The following TDRP variants were observed in gnomAD, a reference collection of about 807,000 sequenced individuals.
The protein encoded by TDRP is testis development-related protein.
A neutral mutation model predicts 10.5 loss-of-function variants in TDRP; 12 were observed. That is an observed-to-expected ratio of 1.15 (90% confidence interval 0.73 to 1.86). The LOEUF (loss-of-function observed/expected upper bound fraction) is 1.86. Among genes scored for constraint, TDRP ranks in the 40% most tolerant of loss-of-function variants. TDRP has a pLI of 0.00. For synonymous variants in TDRP, 139 were observed against 95.4 expected (o/e 1.46, Z -2.67); for missense variants, 353 against 229.2 (o/e 1.54, Z -3.49).
At position 490,344 on chromosome 8, in the gene TDRP, A is replaced by C. The variant is rs904395911; in HGVS notation, c.*2055T>G. On this transcript the variant is annotated 3_prime_UTR_variant, in exon 3 of 3. Transcript: ENST00000324079. Reference sequence around the variant, plus strand: ...CCAATCCCAATCTGGGTTTGTCCTCAAATTTTGAGAAATAGCATAAAGAAC... The same window carrying C: ...CCAATCCCAATCTGGGTTTGTCCTCCAATTTTGAGAAATAGCATAAAGAAC... The C allele has an allele frequency of 7.0e-6, 1 of 142,226 alleles. No homozygotes were observed. The highest frequency in any genetic ancestry group is 1.5e-5 in the Non-Finnish European group (1 of 67,948). 8.8% of individuals were successfully genotyped at this position (142,226 alleles called of 1,614,324 possible).
chr8:493,981 C>T (rs1392488494), intron 2 of TDRP, among the ~76,000 whole-genome samples: 1 of 143,626 alleles, frequency 7.0e-6, no homozygotes, highest in Admixed American at 7.1e-5. Flanking sequence ...AACACCACAA[C>T]TCATTTCTGT....
chr8:512,089 G>C (rs1193771312), intron 1 of TDRP, among the ~76,000 whole-genome samples: 1 of 151,714 alleles, frequency 6.6e-6, no homozygotes, highest in Non-Finnish European at 1.5e-5. Context: ...GAGAATAACA[G>C]AAGAGAAATA....
intron 1 of TDRP, among the ~76,000 whole-genome samples, chr8:519,965 G>C (rs1029149581): frequency 6.6e-6 from 1 of 152,154 alleles, no homozygotes; most frequent in Admixed American, 6.5e-5. Context: ...GTGCTTTACC[G>C]GCATCCAGCT....
chr8:544,818 C>G lies in TDRP; in HGVS notation c.-61G>C. On this transcript the variant is annotated 5_prime_UTR_variant, in exon 1 of 3. Coordinates refer to ENST00000324079, the MANE Select transcript of TDRP (RefSeq NM_001384899.1). ...TCGGGCTGTGGCTCCGCGTCCCTCC[C>G]GGCCGCCGGACGCTCTGCCTGCGGC... 2 of 1,159,788 alleles carry G rather than the reference C, an allele frequency of 1.7e-6. No individual in the cohort carries two copies. The highest frequency in any genetic ancestry group is 1.1e-6 in the Non-Finnish European group (1 of 924,206). 71.8% of individuals were successfully genotyped at this position (1,159,788 alleles called of 1,614,324 possible).
At chr8:493,186 TC>T (rs1021756716) in intron 2 of TDRP, among the ~76,000 whole-genome samples, 4 of 152,164 alleles carry the variant, frequency 2.6e-5, no homozygotes, top group African/African-American at 9.7e-5. Context: ...GGTAATTTAC[TC>T]AACAAAAATA....
At chr8:497,561 C>G (rs542403965) in intron 1 of TDRP, among the ~76,000 whole-genome samples, 1 of 152,212 alleles carries the variant, frequency 6.6e-6, no homozygotes, top group Admixed American at 6.5e-5. Context: ...GCAGAGCATA[C>G]AAGTTTGGAA....
chr8:503,434 A>G (rs1334256457), intron 1 of TDRP, among the ~76,000 whole-genome samples: 5 of 151,592 alleles, frequency 3.3e-5, no homozygotes, highest in African/African-American at 9.7e-5. Flanking sequence ...CACGCATTGG[A>G]ACCCGTGCCC....
Position 491,734 on chromosome 8 carries a change from G to C in TDRP, c.*665C>G. 1 of 1,435,994 alleles carries C rather than the reference G, an allele frequency of 7.0e-7. No individual in the cohort carries two copies. The allele number at this position is 1,435,994 out of a possible 1,614,324, so 89.0% of individuals were successfully genotyped here. A position where few individuals can be genotyped will look rare whatever the true frequency, so the allele number is the denominator to read the frequency against. On this transcript the variant is annotated 3_prime_UTR_variant, in exon 3 of 3. Transcript: ENST00000324079. The stretch of plus-strand genomic sequence containing the variant: ...AAGGGACCGATTTAGAAGTTCAAAA[G>C]AGGTAAAAATAAAATTCCAAAAAAG...
At chr8:506,234 A>C (rs1213431062) in intron 1 of TDRP, among the ~76,000 whole-genome samples, 1 of 152,234 alleles carries the variant, frequency 6.6e-6, no homozygotes, top group Non-Finnish European at 1.5e-5. Context: ...TAGTAAGTGA[A>C]GAAATATCTA....
At chr8:543,944 G>A (rs1187884443) in intron 1 of TDRP, among the ~76,000 whole-genome samples, 1 of 124,062 alleles carries the variant, frequency 8.1e-6, no homozygotes, top group East Asian at 3.0e-4. Flanking sequence ...GGGAGGGGGT[G>A]GGGGAGGGCA....
chr8:510,483 G>C (rs1169362055), intron 1 of TDRP, among the ~76,000 whole-genome samples: 1 of 152,084 alleles, frequency 6.6e-6, no homozygotes, highest in Non-Finnish European at 1.5e-5. Context: ...AAAGCTACAA[G>C]AGAAAAATGA....
At chr8:524,960 G>T (rs994613439) in intron 1 of TDRP, among the ~76,000 whole-genome samples, 3 of 152,128 alleles carry the variant, frequency 2.0e-5, no homozygotes, top group Admixed American at 6.5e-5. Context: ...TCAAGTACAA[G>T]AAGATTATAG....
chr8:501,400 G>T (rs1230341660), intron 1 of TDRP, among the ~76,000 whole-genome samples: 1 of 151,828 alleles, frequency 6.6e-6, no homozygotes, highest in African/African-American at 2.4e-5. Context: ...AGGCTGGAGT[G>T]CAGTGGTGTG....
chr8:544,572 A>C, intron 1 of TDRP, 78 bp downstream of exon 1: 3 of 1,012,976 alleles, frequency 3.0e-6, no homozygotes, highest in Non-Finnish European at 3.8e-6. Flanking sequence ...CCGCACCTCC[A>C]CCTGCGCGCC....
intron 1 of TDRP, among the ~76,000 whole-genome samples, chr8:501,864 T>G (rs556653234): frequency 6.6e-6 from 1 of 152,130 alleles, no homozygotes; most frequent in African/African-American, 2.4e-5. Flanking sequence ...TACAGCTCTT[T>G]GTGAAGATGA....
intron 1 of TDRP, among the ~76,000 whole-genome samples, chr8:517,653 T>G (rs1026132501): frequency 6.6e-6 from 1 of 152,202 alleles, no homozygotes; most frequent in African/African-American, 2.4e-5. Context: ...CTTACATGTA[T>G]TGATTTAAAA....
chr8:495,276 T>C (rs1801093985), intron 1 of TDRP, among the ~76,000 whole-genome samples: 1 of 152,136 alleles, frequency 6.6e-6, no homozygotes, highest in African/African-American at 2.4e-5. Context: ...CATAGGAGAC[T>C]GACCTTTGAG....
intron 1 of TDRP, among the ~76,000 whole-genome samples, chr8:538,314 C>T (rs573930805): frequency 6.6e-6 from 1 of 152,230 alleles, no homozygotes; most frequent in Non-Finnish European, 1.5e-5. Context: ...GAGGTTCGCA[C>T]TGCAGGGACT....
intron 1 of TDRP, among the ~76,000 whole-genome samples, chr8:511,660 C>G (rs951710575): frequency 2.6e-5 from 4 of 152,180 alleles, no homozygotes; most frequent in African/African-American, 9.7e-5. Flanking sequence ...CAAGTGCAAA[C>G]AGATCAGTCT....
Sources: gnomAD v4.1 joint callset for allele counts (sites outside exome capture counted in the v4.1 genomes callset) on GRCh38, gnomAD v4.1.1 for gene constraint, MANE v1.5 for transcripts, NCBI Gene and HGNC (gene_info 2026-07-23, HGNC 2026-07-21) for gene names.